The following DLGAP4 variants were observed in gnomAD, a reference collection of about 807,000 sequenced individuals.
DLGAP4 encodes DLG associated protein 4, also known as disks large-associated protein 4.
A neutral mutation model predicts 86.9 loss-of-function variants in DLGAP4; 18 were observed. That is an observed-to-expected ratio of 0.21 (90% CI 0.14 to 0.31). The LOEUF (loss-of-function observed/expected upper bound fraction) is 0.31. DLGAP4 is among the 10% of genes least tolerant of loss of function. The probability of loss-of-function intolerance (pLI) is 1.00; values close to 1 mark genes in which losing one functional copy is unlikely to be tolerated. For synonymous variants in DLGAP4, 548 were observed against 574.3 expected (o/e 0.95, Z 0.65); for missense variants, 1,085 against 1,362.6 (o/e 0.80, Z 3.21).
intron 10 of DLGAP4, among the ~76,000 whole-genome samples, chr20:36,513,056 A>G (rs1343462851): frequency 6.9e-6 from 1 of 143,982 alleles, no homozygotes; most frequent in East Asian, 2.0e-4. Flanking sequence ...GGCTCAAGCA[A>G]TCCTCCCACC....
chr20:36,336,426 C>T (rs1442828852), intron 1 of DLGAP4, among the ~76,000 whole-genome samples: 2 of 152,214 alleles, frequency 1.3e-5, no homozygotes, highest in African/African-American at 4.8e-5. Context: ...AAAGAGCCCT[C>T]CTCTCACCCT....
At chr20:36,362,561 A>G (rs1555894299) in intron 1 of DLGAP4, among the ~76,000 whole-genome samples, 1 of 152,218 alleles carries the variant, frequency 6.6e-6, no homozygotes, top group East Asian at 1.9e-4. Context: ...GGAAGGAGGG[A>G]AAACCCAGAG....
chr20:36,323,927 C>T (rs921998718), intron 1 of DLGAP4, among the ~76,000 whole-genome samples: 1 of 152,246 alleles, frequency 6.6e-6, no homozygotes, highest in African/African-American at 2.4e-5. Flanking sequence ...TGCTCTGCAG[C>T]CCAGTTCCTA....
chr20:36,458,301 G>A (rs1249873087), intron 7 of DLGAP4, among the ~76,000 whole-genome samples: 1 of 150,814 alleles, frequency 6.6e-6, no homozygotes, highest in Non-Finnish European at 1.5e-5. Context: ...ACCTGAGGTC[G>A]GGAGTTTGAG....
chr20:36,339,379 C>A (rs1229096723), intron 1 of DLGAP4, among the ~76,000 whole-genome samples: 1 of 151,268 alleles, frequency 6.6e-6, no homozygotes, highest in Non-Finnish European at 1.5e-5. Context: ...TGAGCCACTG[C>A]ACCTGGCCTG....
chr20:36,372,629 G>T (rs2030988383), intron 2 of DLGAP4, among the ~76,000 whole-genome samples: 1 of 151,754 alleles, frequency 6.6e-6, no homozygotes, highest in Non-Finnish European at 1.5e-5. Flanking sequence ...CACTCGTGAA[G>T]TCAAACTCTC....
At chr20:36,351,918 T>C (rs1569467693) in intron 1 of DLGAP4, among the ~76,000 whole-genome samples, 1 of 152,084 alleles carries the variant, frequency 6.6e-6, no homozygotes, top group African/African-American at 2.4e-5. Flanking sequence ...CCTGTGGGTG[T>C]GATGTGCTGC....
intron 2 of DLGAP4, among the ~76,000 whole-genome samples, chr20:36,386,801 G>A (rs1192268864): frequency 6.6e-6 from 1 of 152,180 alleles, no homozygotes; most frequent in African/African-American, 2.4e-5. Context: ...GCCAGGGCTG[G>A]TCTCAAACTC....
intron 5 of DLGAP4, 93 bp downstream of exon 5, chr20:36,439,961 G>A (rs775476284): frequency 1.8e-5 from 20 of 1,105,176 alleles, no homozygotes; most frequent in Non-Finnish European, 2.5e-5. Context: ...CCCATGCTGA[G>A]TGGCCCCCAG....
intron 7 of DLGAP4, among the ~76,000 whole-genome samples, chr20:36,469,040 A>G (rs1385187634): frequency 2.0e-5 from 3 of 152,194 alleles, no homozygotes; most frequent in Admixed American, 6.5e-5. Flanking sequence ...GTAGATCTTT[A>G]TCCAACTTTG....
intron 1 of DLGAP4, among the ~76,000 whole-genome samples, chr20:36,307,138 C>A (rs1158553321): frequency 6.6e-6 from 1 of 152,122 alleles, no homozygotes; most frequent in African/African-American, 2.4e-5. Flanking sequence ...TGCATAGCGC[C>A]CCCTCCCTGT....
In DLGAP4 at chr20:36,434,780, C is replaced by T. The variant is rs1569498136; in HGVS notation, c.1000-1329C>T. Among the ~76,000 whole-genome samples, 4 of 152,148 alleles carry T rather than the reference C, an allele frequency of 2.6e-5. No individual in the cohort carries two copies. The South Asian group carries it at 8.3e-4, about 32-fold the overall frequency. ...TACCTTCCCTTTGTGGAAAGTGGGC[C>T]TCTGACACAGAGGGCATGGAGAATG... is the stretch of plus-strand genomic sequence containing the variant. On this transcript the variant is annotated intron_variant, in intron 3 of 12. Transcript: ENST00000339266.
chr20:36,367,726 A>G (rs575369670), intron 2 of DLGAP4, among the ~76,000 whole-genome samples: 26 of 152,266 alleles, frequency 1.7e-4, no homozygotes, highest in Admixed American at 1.4e-3. Flanking sequence ...GGGGGGCCCT[A>G]CATTCCTGCC....
chr20:36,355,326 C>T (rs1305990171), intron 1 of DLGAP4, among the ~76,000 whole-genome samples: 1 of 145,794 alleles, frequency 6.9e-6, no homozygotes, highest in East Asian at 2.0e-4. Context: ...GAGACAGGGT[C>T]TCACTCTGTC....
intron 7 of DLGAP4, 99 bp from the exon 8 acceptor site, chr20:36,496,606 G>C (rs1046696301): frequency 1.7e-4 from 260 of 1,501,926 alleles, no homozygotes; most frequent in Non-Finnish European, 2.3e-4. Context: ...CCCAGAGCTA[G>C]GGCCAAGTCA....
In DLGAP4 at chr20:36,500,653, G is replaced by T; in HGVS notation, c.2512+42G>T. On this transcript the variant is annotated intron_variant, in intron 10 of 12. Transcript: ENST00000339266. This position sits in a 1 kb window ranked among gnomAD's most constrained non-coding sequence, Gnocchi z 4.6. ...TGGTCCTTGGGCAAGGGTAGAAGGT[G>T]TTGGCAGCTGGTTTCAGCTGGTGGC... 1.4e-6 allele frequency: 2 copies of T among 1,403,032 alleles called. No homozygotes were observed. The highest frequency in any genetic ancestry group is 1.9e-6 in the Non-Finnish European group (2 of 1,074,880). The allele number at this position is 1,403,032 out of a possible 1,614,324, so 86.9% of individuals were successfully genotyped here.
At chr20:36,410,337 G>A (rs921503854) in intron 2 of DLGAP4, among the ~76,000 whole-genome samples, 1 of 152,142 alleles carries the variant, frequency 6.6e-6, no homozygotes, top group Non-Finnish European at 1.5e-5. Context: ...TTTCCCCAGG[G>A]GCAGCCCTCA....
intron 2 of DLGAP4, among the ~76,000 whole-genome samples, chr20:36,396,336 CG>C (rs372324037): frequency 4.6e-3 from 3 of 650 alleles, no homozygotes; most frequent in Non-Finnish European, 9.7e-3. Flanking sequence ...CACACACACA[CG>C]CACACACACA....
At chr20:36,396,503 TACAC>T (rs749088821) in intron 2 of DLGAP4, among the ~76,000 whole-genome samples, 2 of 90,402 alleles carry the variant, frequency 2.2e-5, no homozygotes, top group African/African-American at 9.3e-5. Context: ...ATGCACACCA[TACAC>T]ACACACCACA....
Sources: gnomAD v4.1 joint callset for allele counts (sites outside exome capture counted in the v4.1 genomes callset) on GRCh38, gnomAD v4.1.1 for gene constraint, Gnocchi (gnomAD v3.1) non-coding constraint, MANE v1.5 for transcripts, NCBI Gene and HGNC (gene_info 2026-07-23, HGNC 2026-07-21) for gene names.